Variants in SLC4A10 observed in about 807,000 individuals in gnomAD.
SLC4A10 encodes solute carrier family 4 member 10.
SLC4A10 carries 42 observed loss-of-function variants against 137.7 expected under a neutral mutation model. The ratio of observed to expected loss-of-function variants is 0.30; its 90% CI spans 0.24 to 0.39. The LOEUF is 0.39. SLC4A10 is among the 10% of genes least tolerant of loss of function. The probability of loss-of-function intolerance (pLI) is 1.00; values close to 1 mark genes in which losing one functional copy is unlikely to be tolerated. For synonymous variants in SLC4A10, 474 were observed against 464.1 expected, an observed-to-expected ratio of 1.02 and a Z score of -0.27; for missense variants, 925 against 1,355.0, an observed-to-expected ratio of 0.68 and a Z score of 4.98.
chr2:161,942,594 G>A (rs777115345), intron 15 of SLC4A10, among the ~76,000 whole-genome samples, 198 bp from the exon 16 acceptor site: 13 of 152,088 alleles, frequency 8.5e-5, no homozygotes, highest in Non-Finnish European at 1.5e-4. Context: ...ACACTGTAGA[G>A]TAGTCTAGTA....
intron 10 of SLC4A10, 30 bp from the exon 11 acceptor site, chr2:161,894,649 C>T: frequency 8.8e-7 from 1 of 1,141,126 alleles, no homozygotes; most frequent in Non-Finnish European, 1.1e-6. Context: ...TATTTTTAAG[C>T]TATAAATAAT....
intron 1 of SLC4A10, among the ~76,000 whole-genome samples, chr2:161,733,517 C>T (rs533150028): frequency 6.6e-6 from 1 of 152,350 alleles, no homozygotes; most frequent in East Asian, 1.9e-4. Flanking sequence ...CAGAAGTTTG[C>T]TACAGGGGCA....
At chr2:161,644,297 T>C (rs1438134794) in intron 1 of SLC4A10, among the ~76,000 whole-genome samples, 1 of 151,986 alleles carries the variant, frequency 6.6e-6, no homozygotes, top group Non-Finnish European at 1.5e-5. Flanking sequence ...AGGAGCTCAA[T>C]ACTAGCCTGG....
In SLC4A10 at chr2:161,939,440, G is replaced by A. The variant is rs146282683; in HGVS notation, c.1998-3352G>A. On this transcript the variant is annotated intron_variant, in intron 15 of 26. Coordinates refer to ENST00000446997, the MANE Select transcript of SLC4A10 (RefSeq NM_001178015.2). ...TTCACTCTACCTCCCTTTTCAATACGATAATATCACATCTTAAGTTCCATC... is the reference window on the plus strand; with the variant it reads ...TTCACTCTACCTCCCTTTTCAATACAATAATATCACATCTTAAGTTCCATC... 2.3e-3 allele frequency among the ~76,000 whole-genome samples: 350 copies of A among 152,068 alleles called. 2 individuals are homozygous for A. The highest frequency in any genetic ancestry group is 7.7e-3 in the African/African-American group (321 of 41,500).
chr2:161,934,482 A>C (rs56378636), intron 15 of SLC4A10, among the ~76,000 whole-genome samples: 10,210 of 152,200 alleles, frequency 0.067, 444 homozygotes, highest in East Asian at 0.13. Context: ...ATTCATGTTG[A>C]CACAAATGAC....
chr2:161,891,450 G>A (rs904505250), intron 10 of SLC4A10, among the ~76,000 whole-genome samples: 1 of 151,926 alleles, frequency 6.6e-6, no homozygotes, highest in Admixed American at 6.6e-5. Context: ...CGTAGGTTTG[G>A]TCTATTCACA....
At chr2:161,781,814 T>C (rs941028426) in intron 2 of SLC4A10, among the ~76,000 whole-genome samples, 2 of 152,074 alleles carry the variant, frequency 1.3e-5, no homozygotes, top group African/African-American at 4.8e-5. Context: ...TCCTGCACCC[T>C]GGGTGAATGC....
At chr2:161,923,999 G>A (rs1575661485) in intron 15 of SLC4A10, among the ~76,000 whole-genome samples, 2 of 152,014 alleles carry the variant, frequency 1.3e-5, no homozygotes, top group East Asian at 3.9e-4. Flanking sequence ...AGTGTTCTAA[G>A]CATACACTAT....
chr2:161,631,424 A>G (rs1214755044), intron 1 of SLC4A10, among the ~76,000 whole-genome samples: 2 of 151,712 alleles, frequency 1.3e-5, no homozygotes, highest in African/African-American at 4.8e-5. Flanking sequence ...AAGAGGGCAA[A>G]TAAAATATTC....
intron 3 of SLC4A10, among the ~76,000 whole-genome samples, chr2:161,812,096 GTCTC>G (rs1174930603): frequency 6.6e-6 from 1 of 151,926 alleles, no homozygotes; most frequent in Non-Finnish European, 1.5e-5. Flanking sequence ...TAAGTCTATA[GTCTC>G]TCTATTTTTA....
rs1356162368 is a variant in SLC4A10 at position 161,786,798 on chromosome 2, A to G, written c.130+15744A>G. ...ATTGTCCTATATTCTTTTATGACAT[A>G]AAAGAGTATACTCTTTTCTGTTCAA... On this transcript the variant is annotated intron_variant, in intron 2 of 26. Transcript: ENST00000446997. 2.6e-5 allele frequency among the ~76,000 whole-genome samples: 4 copies of G among 151,300 alleles called. No homozygotes were observed. The East Asian group carries it at 7.8e-4, about 29-fold the overall frequency.
chr2:161,834,660 T>TACACACACACACACAC (rs72327926), intron 3 of SLC4A10, among the ~76,000 whole-genome samples: 2 of 140,932 alleles, frequency 1.4e-5, no homozygotes, highest in African/African-American at 5.3e-5. Context: ...CTTTATCGCC[T>TACACACACACACACAC]ACACACACAC....
chr2:161,785,326 C>T (rs187509673), intron 2 of SLC4A10, among the ~76,000 whole-genome samples: 3 of 151,438 alleles, frequency 2.0e-5, no homozygotes, highest in African/African-American at 7.3e-5. Flanking sequence ...TTATGTCAAA[C>T]TTTTTTTTAT....
intron 15 of SLC4A10, among the ~76,000 whole-genome samples, chr2:161,941,699 G>A (rs1692737688): frequency 6.6e-6 from 1 of 152,140 alleles, no homozygotes; most frequent in Non-Finnish European, 1.5e-5. Flanking sequence ...GCGTAACATG[G>A]TTGGTTGAAA....
chr2:161,868,704 A>G (rs2060920645), intron 6 of SLC4A10, among the ~76,000 whole-genome samples: 1 of 151,688 alleles, frequency 6.6e-6, no homozygotes, highest in African/African-American at 2.4e-5. Flanking sequence ...AACAAGTCAT[A>G]AAAATGTATT....
chr2:161,963,981 A>C (rs1340210463), intron 21 of SLC4A10, among the ~76,000 whole-genome samples, 154 bp from the exon 22 acceptor site: 2 of 152,186 alleles, frequency 1.3e-5, no homozygotes, highest in East Asian at 3.8e-4. Flanking sequence ...GAGGGTAAGC[A>C]TAACAATCCC....
intron 2 of SLC4A10, among the ~76,000 whole-genome samples, chr2:161,777,611 A>G (rs928210340): frequency 6.6e-6 from 1 of 151,986 alleles, no homozygotes; most frequent in African/African-American, 2.4e-5. Flanking sequence ...CACATCTTAC[A>G]TGGATGGCAG....
At chr2:161,893,472 G>A (rs974636601) in intron 10 of SLC4A10, among the ~76,000 whole-genome samples, 13 of 152,078 alleles carry the variant, frequency 8.5e-5, no homozygotes, top group African/African-American at 3.1e-4. Flanking sequence ...CAAGGTGGAG[G>A]ATGGTTTGGG....
At chr2:161,772,077 G>A (rs1201235281) in intron 2 of SLC4A10, among the ~76,000 whole-genome samples, 2 of 151,750 alleles carry the variant, frequency 1.3e-5, no homozygotes, top group African/African-American at 2.4e-5. Flanking sequence ...CAACTATACC[G>A]ACTCTTGCCT....
Sources: allele counts gnomAD v4.1 joint callset (sites outside exome capture counted in the v4.1 genomes callset), GRCh38; gene constraint gnomAD v4.1.1; transcripts MANE v1.5; gene names NCBI Gene and HGNC (gene_info 2026-07-23, HGNC 2026-07-21).